Variants in BRAF observed in about 807,000 individuals in gnomAD.
The protein encoded by BRAF is serine/threonine-protein kinase B-raf.
Under a neutral mutation model 104.6 loss-of-function variants are expected in BRAF, and 16 were observed. The ratio of observed to expected loss-of-function variants is 0.15; its 90% CI spans 0.10 to 0.23. BRAF has a LOEUF of 0.23. Among genes scored for constraint, BRAF ranks in the 10% least tolerant of loss-of-function variants. BRAF has a pLI of 1.00. For synonymous variants in BRAF, 310 were observed against 341.6 expected (o/e 0.91, Z 1.02); for missense variants, 541 against 937.3 (o/e 0.58, Z 5.52).
intron 1 of BRAF, among the ~76,000 whole-genome samples, chr7:140,877,218 CA>C (rs1211757912): frequency 7.0e-6 from 1 of 142,486 alleles, no homozygotes; most frequent in Admixed American, 7.8e-5. Flanking sequence ...CTGTGGGATG[CA>C]AATACAGTAG....
Position 140,725,781 on chromosome 7 carries a change from G to C in BRAF, c.*713C>G. The C allele has an allele frequency of 1.9e-6, 2 of 1,062,740 alleles. No individual in the cohort carries two copies. Among genetic ancestry groups the C allele is most frequent in the Non-Finnish European group, 2.3e-6 (2 of 877,696 alleles). 65.8% of individuals were successfully genotyped at this position (1,062,740 alleles called of 1,614,324 possible). ...AATGTGTGCCAGCACTATCTAGCCT[G>C]CTTGGTTAGACAGACCCCTCAGTGA... On this transcript the variant is annotated 3_prime_UTR_variant, in exon 20 of 20. Transcript: ENST00000644969.
At chr7:140,804,091 T>C (rs1803403923) in intron 5 of BRAF, among the ~76,000 whole-genome samples, 1 of 152,196 alleles carries the variant, frequency 6.6e-6, no homozygotes, top group Non-Finnish European at 1.5e-5. Flanking sequence ...TTCACCATGT[T>C]GGCCAGGCTG....
chr7:140,715,577 A>G (rs1206883276), downstream of BRAF, among the ~76,000 whole-genome samples: 1 of 152,202 alleles, frequency 6.6e-6, no homozygotes, highest in Non-Finnish European at 1.5e-5. Flanking sequence ...AGATAACTTT[A>G]AAAAGAGCAT....
At chr7:140,920,776 G>A (rs1818130115) in intron 1 of BRAF, among the ~76,000 whole-genome samples, 1 of 152,156 alleles carries the variant, frequency 6.6e-6, no homozygotes, top group Non-Finnish European at 1.5e-5. Flanking sequence ...AGTAAATAAG[G>A]AGAGAGAAAA....
At chr7:140,734,494 TAAAAA>T (rs200393520) in intron 19 of BRAF, 2 of 1,566,016 alleles carry the variant, frequency 1.3e-6, no homozygotes, top group Admixed American at 3.4e-5. Flanking sequence ...TGGTTCACCT[TAAAAA>T]AAAAGAGAGT....
intron 1 of BRAF, among the ~76,000 whole-genome samples, chr7:140,862,502 TA>T (rs1245519903): frequency 6.6e-6 from 1 of 152,054 alleles, no homozygotes; most frequent in African/African-American, 2.4e-5. Flanking sequence ...ATGGTCTGAG[TA>T]AAAGGGCTCA....
intron 16 of BRAF, among the ~76,000 whole-genome samples, chr7:140,751,196 T>C (rs1238092174): frequency 1.3e-5 from 2 of 152,174 alleles, no homozygotes; most frequent in Non-Finnish European, 2.9e-5. Context: ...TAAGAAAATA[T>C]AAAACTTTAT....
At chr7:140,804,119 T>C (rs1444602109) in intron 5 of BRAF, among the ~76,000 whole-genome samples, 1 of 152,134 alleles carries the variant, frequency 6.6e-6, no homozygotes. Flanking sequence ...ACTCCTGACC[T>C]CAAGTGATCC....
At chr7:140,879,925 T>C (rs1812701718) in intron 1 of BRAF, among the ~76,000 whole-genome samples, 1 of 152,038 alleles carries the variant, frequency 6.6e-6, no homozygotes, top group Admixed American at 6.6e-5. Flanking sequence ...AGAGATGGGG[T>C]TTCACCATGT....
intron 1 of BRAF, among the ~76,000 whole-genome samples, chr7:140,857,289 C>T (rs1169422926): frequency 6.6e-6 from 1 of 152,180 alleles, no homozygotes; most frequent in Non-Finnish European, 1.5e-5. Context: ...GAAATACAAG[C>T]AGTGCAGCTC....
chr7:140,722,758 C>T lies in BRAF; in HGVS notation c.*3736G>A. ...TATGAGGATGTACTGTCATGCCAAG[C>T]CTACTGAAAATTAAAATTACATCAC... On this transcript the variant is annotated 3_prime_UTR_variant, in exon 20 of 20. Transcript: ENST00000644969. 1.9e-6 allele frequency: 2 copies of T among 1,050,816 alleles called. No individual in the cohort carries two copies. Among genetic ancestry groups the T allele is most frequent in the Non-Finnish European group, 2.3e-6 (2 of 870,234 alleles). The allele number at this position is 1,050,816 out of a possible 1,614,324, so 65.1% of individuals were successfully genotyped here.
At chr7:140,789,887 T>C (rs1586171196) in intron 8 of BRAF, among the ~76,000 whole-genome samples, 1 of 152,300 alleles carries the variant, frequency 6.6e-6, no homozygotes, top group African/African-American at 2.4e-5. Context: ...CCTGCCACCA[T>C]GCCCGGCTAA....
intron 1 of BRAF, among the ~76,000 whole-genome samples, chr7:140,889,782 A>G (rs1814007163): frequency 6.6e-6 from 1 of 152,230 alleles, no homozygotes; most frequent in Admixed American, 6.5e-5. Context: ...AGGTATAAGG[A>G]GAGCAACACA....
At chr7:140,756,660 C>T (rs376299409) in intron 14 of BRAF, among the ~76,000 whole-genome samples, 16 of 152,266 alleles carry the variant, frequency 1.1e-4, no homozygotes, top group African/African-American at 3.6e-4. Flanking sequence ...AGAAGTCAAT[C>T]CATTAATTAG....
At chr7:140,916,618 A>T (rs1817662917) in intron 1 of BRAF, among the ~76,000 whole-genome samples, 1 of 152,210 alleles carries the variant, frequency 6.6e-6, no homozygotes, top group African/African-American at 2.4e-5. Context: ...GACGTGATTG[A>T]CTTTTCTGTG....
At chr7:140,841,874 TAAAAC>T (rs1282898000) in intron 2 of BRAF, among the ~76,000 whole-genome samples, 2 of 152,122 alleles carry the variant, frequency 1.3e-5, no homozygotes, top group African/African-American at 2.4e-5. Flanking sequence ...ATTTCTCAAT[TAAAAC>T]AGAAGGGAAA....
chr7:140,905,904 C>T lies in BRAF; in HGVS notation c.138+18662G>A, dbSNP rs893140276. Reference sequence around the variant, plus strand: ...GAGATCGAGACCATCCCGGCTAAAACGGTGAAACCCCGTCTCTACTAAAAA... The same window carrying T: ...GAGATCGAGACCATCCCGGCTAAAATGGTGAAACCCCGTCTCTACTAAAAA... On this transcript the variant is annotated intron_variant, in intron 1 of 19. Coordinates refer to ENST00000644969, the MANE Select transcript of BRAF (RefSeq NM_001374258.1). Among the ~76,000 whole-genome samples, 85 of 150,462 alleles carry T rather than the reference C, an allele frequency of 5.6e-4. 1 individual carries two copies. Among genetic ancestry groups the T allele is most frequent in the African/African-American group, 2.0e-3 (80 of 40,846 alleles).
At chr7:140,754,104 G>C in intron 15 of BRAF, 83 bp downstream of exon 14, 1 of 1,396,364 alleles carries the variant, frequency 7.2e-7, no homozygotes, top group Non-Finnish European at 1.0e-6. Context: ...CATGAAAACT[G>C]TTTTTACATA....
In BRAF at chr7:140,727,455, A is replaced by G. The variant is rs796885024; in HGVS notation, c.2402-939T>C. Among the ~76,000 whole-genome samples the G allele has an allele frequency of 1.2e-4, 18 of 152,152 alleles. 1 individual carries two copies. Among genetic ancestry groups the G allele is most frequent in the African/African-American group, 4.3e-4 (18 of 41,508 alleles). The stretch of plus-strand genomic sequence containing the variant: ...TGCCTCGGCCTCCCAAAGTGCTGGG[A>G]TTACAGGTGTGAGCCACTGCACCCG... On this transcript the variant is annotated intron_variant, in intron 19 of 19. Transcript: ENST00000644969.
Sources: gnomAD v4.1 joint callset for allele counts (sites outside exome capture counted in the v4.1 genomes callset) on GRCh38, gnomAD v4.1.1 for gene constraint, MANE v1.5 for transcripts, NCBI Gene and HGNC (gene_info 2026-07-23, HGNC 2026-07-21) for gene names.